Variants in GALNTL6 observed in about 807,000 individuals in gnomAD.
The protein encoded by GALNTL6 is polypeptide N-acetylgalactosaminyltransferase-like 6.
A neutral mutation model predicts 73.7 loss-of-function variants in GALNTL6; 46 were observed. That is an observed-to-expected ratio of 0.62 (90% CI 0.49 to 0.80). The LOEUF (loss-of-function observed/expected upper bound fraction) is 0.80. Ranked by LOEUF, GALNTL6 falls within the 30% of genes least tolerant of loss-of-function variation. GALNTL6 has a pLI of 0.00. For missense variants in GALNTL6, 604 were observed against 755.0 expected (o/e 0.80, Z 2.34); for synonymous variants, 259 against 263.7 (o/e 0.98, Z 0.17).
chr4:172,204,098 A>G (rs922322235), intron 2 of GALNTL6, among the ~76,000 whole-genome samples: 2 of 152,196 alleles, frequency 1.3e-5, no homozygotes, highest in African/African-American at 4.8e-5. Context: ...ATATTTATCT[A>G]TCAATTAAAA....
intron 5 of GALNTL6, among the ~76,000 whole-genome samples, chr4:172,760,669 G>A (rs981013586): frequency 6.6e-6 from 1 of 152,132 alleles, no homozygotes; most frequent in South Asian, 2.1e-4. Flanking sequence ...GAGGGTCAAG[G>A]ACACTGGTCC....
rs575316381 is a variant in GALNTL6 at position 172,517,377 on chromosome 4, A to G, written c.553+168688A>G. Among the ~76,000 whole-genome samples, 126 of 152,222 alleles carry G rather than the reference A, an allele frequency of 8.3e-4. 1 individual carries two copies. Among genetic ancestry groups the G allele is most frequent in the African/African-American group, 2.9e-3 (122 of 41,566 alleles). ...CACATCTTCACTAACATTTTGACTA[A>G]GATTTTAATCTCTTAGGAATGACTT... On this transcript the variant is annotated intron_variant, in intron 5 of 12. Coordinates refer to ENST00000506823, the MANE Select transcript of GALNTL6 (RefSeq NM_001034845.3).
chr4:172,722,734 C>T (rs1410936031), intron 5 of GALNTL6, among the ~76,000 whole-genome samples: 2 of 152,116 alleles, frequency 1.3e-5, no homozygotes, highest in Non-Finnish European at 2.9e-5. Flanking sequence ...AACAGTATGC[C>T]TTGAACAAAT....
chr4:172,859,620 C>G (rs1744290970), intron 7 of GALNTL6, among the ~76,000 whole-genome samples: 1 of 152,064 alleles, frequency 6.6e-6, no homozygotes, highest in African/African-American at 2.4e-5. Flanking sequence ...ACAGGATAGA[C>G]AGGTTTGAGA....
At chr4:172,962,213 T>C (rs1246639289) in intron 10 of GALNTL6, among the ~76,000 whole-genome samples, 3 of 152,176 alleles carry the variant, frequency 2.0e-5, no homozygotes, top group African/African-American at 7.2e-5. Flanking sequence ...ACTTCTTTTG[T>C]GGTGGAATGT....
At chr4:172,684,079 A>G (rs1396042610) in intron 5 of GALNTL6, among the ~76,000 whole-genome samples, 1 of 152,220 alleles carries the variant, frequency 6.6e-6, no homozygotes, top group East Asian at 1.9e-4. Flanking sequence ...TAAATTTACT[A>G]GAAATGCAGA....
chr4:172,976,512 T>C (rs7693329), intron 10 of GALNTL6, among the ~76,000 whole-genome samples: 26,197 of 152,192 alleles, frequency 0.17, 2,525 homozygotes, highest in African/African-American at 0.25. Flanking sequence ...ACCACAGCAT[T>C]TCTTTCCAGA....
intron 2 of GALNTL6, among the ~76,000 whole-genome samples, chr4:172,189,013 G>C (rs1735494051): frequency 6.6e-6 from 1 of 152,292 alleles, no homozygotes; most frequent in Middle Eastern, 3.4e-3. Context: ...CCAGTTAGCA[G>C]TATTATCACC....
intron 5 of GALNTL6, among the ~76,000 whole-genome samples, chr4:172,473,957 T>C (rs1286266435): frequency 6.6e-6 from 1 of 152,204 alleles, no homozygotes; most frequent in East Asian, 1.9e-4. Flanking sequence ...GCCACTGCTC[T>C]GCACAGAGCT....
In GALNTL6 at chr4:171,989,285, T is replaced by C. The variant is rs7680303; in HGVS notation, c.138+174567T>C. On this transcript the variant is annotated intron_variant, in intron 2 of 12. Coordinates refer to ENST00000506823, the MANE Select transcript of GALNTL6 (RefSeq NM_001034845.3). ...GGGGGCTTCTGAGGCGATCCGGCAG[T>C]GTCAGTCTTCAGCCACGAAGCCGAG... Among the ~76,000 whole-genome samples, 1,478 of 152,232 alleles carry C rather than the reference T, an allele frequency of 9.7e-3. 17 individuals are homozygous for C. Among genetic ancestry groups the C allele is most frequent in the African/African-American group, 0.031 (1,283 of 41,528 alleles).
At chr4:172,590,641 G>T (rs576114170) in intron 5 of GALNTL6, among the ~76,000 whole-genome samples, 1 of 152,256 alleles carries the variant, frequency 6.6e-6, no homozygotes, top group African/African-American at 2.4e-5. Flanking sequence ...ATTCTGTAAT[G>T]GGGGAATGTA....
chr4:172,914,585 C>G (rs1415419592), intron 8 of GALNTL6, among the ~76,000 whole-genome samples: 1 of 152,108 alleles, frequency 6.6e-6, no homozygotes, highest in Non-Finnish European at 1.5e-5. Context: ...CAAAAAAAGG[C>G]AAGGATTGCA....
intron 2 of GALNTL6, among the ~76,000 whole-genome samples, chr4:171,954,201 T>A (rs1738977180): frequency 6.6e-6 from 1 of 152,226 alleles, no homozygotes; most frequent in Non-Finnish European, 1.5e-5. Context: ...AAAAATTCTA[T>A]TCATAACTCA....
At chr4:172,032,905 C>A (rs1326485724) in intron 2 of GALNTL6, among the ~76,000 whole-genome samples, 3 of 151,886 alleles carry the variant, frequency 2.0e-5, no homozygotes, top group East Asian at 3.9e-4. Context: ...ATTTAATTTT[C>A]TCTTTATAAT....
In GALNTL6 at chr4:172,021,964, A is replaced by G. The variant is rs144324204; in HGVS notation, c.138+207246A>G. On this transcript the variant is annotated intron_variant, in intron 2 of 12. Transcript: ENST00000506823. Reference sequence around the variant, plus strand: ...AATGAATTAAATATTTAAATCTAAGACCTCAAAGTATGAAACTACTAAAAG... The same window carrying G: ...AATGAATTAAATATTTAAATCTAAGGCCTCAAAGTATGAAACTACTAAAAG... 1.0e-3 allele frequency among the ~76,000 whole-genome samples: 157 copies of G among 152,132 alleles called. 1 individual carries two copies. The East Asian group carries it at 0.025, about 24-fold the overall frequency.
Position 172,766,580 on chromosome 4 carries a change from A to C in GALNTL6, c.554-42781A>C, listed in dbSNP as rs145012180. On this transcript the variant is annotated intron_variant, in intron 5 of 12. Transcript: ENST00000506823. ...GCCTTAAAGATCCAACTTTAATTAAAAAGGACTATGGAGAACCATCATTAA... is the reference window on the plus strand; with the variant it reads ...GCCTTAAAGATCCAACTTTAATTAACAAGGACTATGGAGAACCATCATTAA... 3.0e-3 allele frequency among the ~76,000 whole-genome samples: 461 copies of C among 152,312 alleles called. 1 individual carries two copies. Among genetic ancestry groups the C allele is most frequent in the Non-Finnish European group, 4.9e-3 (332 of 68,020 alleles).
chr4:171,970,611 T>A (rs1739539573), intron 2 of GALNTL6, among the ~76,000 whole-genome samples: 1 of 152,210 alleles, frequency 6.6e-6, no homozygotes. Context: ...GGGAATTGGA[T>A]TAGCCCAATA....
intron 2 of GALNTL6, among the ~76,000 whole-genome samples, chr4:171,982,361 G>A (rs140104949): frequency 0.041 from 6,240 of 152,088 alleles, 380 homozygotes; most frequent in African/African-American, 0.13. Context: ...GCAGTGGCGC[G>A]ATCTCGGCCC....
chr4:172,614,257 A>G (rs528401149), intron 5 of GALNTL6, among the ~76,000 whole-genome samples: 2 of 152,290 alleles, frequency 1.3e-5, no homozygotes, highest in South Asian at 4.1e-4. Flanking sequence ...AAAATGGCCT[A>G]TAGAAAAAAA....
Sources: gnomAD v4.1 joint callset for allele counts (sites outside exome capture counted in the v4.1 genomes callset) on GRCh38, gnomAD v4.1.1 for gene constraint, MANE v1.5 for transcripts, NCBI Gene and HGNC (gene_info 2026-07-23, HGNC 2026-07-21) for gene names.